TUSC3: variants seen among roughly 807,000 people sequenced by gnomAD.
The protein encoded by TUSC3 is tumor suppressor candidate 3, also known as dolichyl-diphosphooligosaccharide--protein glycosyltransferase subunit TUSC3.
TUSC3 carries 45 observed loss-of-function variants against 44.8 expected under a neutral mutation model. That is an observed-to-expected ratio of 1.00 (90% CI 0.79 to 1.29). The LOEUF is 1.29. Ranked by LOEUF, TUSC3 falls within the 50% of genes most tolerant of loss-of-function variation. TUSC3 has a pLI of 0.00. For missense variants in TUSC3, 519 were observed against 437.9 expected (o/e 1.19, Z -1.65); for synonymous variants, 212 against 152.9 (o/e 1.39, Z -2.85).
At chr8:15,528,984 G>A (rs1022451193) in intron 2 of TUSC3, among the ~76,000 whole-genome samples, 3 of 152,058 alleles carry the variant, frequency 2.0e-5, no homozygotes, top group African/African-American at 4.8e-5. Context: ...AATAACCAAT[G>A]AACAGTTCTT....
At chr8:15,799,793 C>G in the TUSC3 span, among the ~76,000 whole-genome samples, 9 of 152,190 alleles carry the variant, frequency 5.9e-5, no homozygotes, top group African/African-American at 2.2e-4. Flanking sequence ...TGCAAGCTAA[C>G]AAGTGTGCCT....
chr8:15,840,796 C>A, the TUSC3 span, among the ~76,000 whole-genome samples: 2 of 152,072 alleles, frequency 1.3e-5, no homozygotes, highest in Non-Finnish European at 2.9e-5. Flanking sequence ...ATCATCTATC[C>A]ACTTGGATGC....
At chr8:15,448,033 G>T (rs1169613235) in intron 1 of TUSC3, among the ~76,000 whole-genome samples, 2 of 149,142 alleles carry the variant, frequency 1.3e-5, no homozygotes, top group East Asian at 1.9e-4. Flanking sequence ...ATAATTAGTG[G>T]CTACCGTATC....
intron 1 of TUSC3, among the ~76,000 whole-genome samples, chr8:15,617,688 T>G (rs1805056989): frequency 6.6e-6 from 1 of 152,370 alleles, no homozygotes; most frequent in Non-Finnish European, 1.5e-5. Context: ...TCTTTTTCTC[T>G]TTGGCTTTAA....
chr8:15,808,699 G>A, the TUSC3 span, among the ~76,000 whole-genome samples: 1 of 152,078 alleles, frequency 6.6e-6, no homozygotes, highest in African/African-American at 2.4e-5. Context: ...TTGCCCAGTG[G>A]CTTCTCCATT....
chr8:15,457,255 G>A (rs182922935), intron 1 of TUSC3, among the ~76,000 whole-genome samples: 493 of 151,812 alleles, frequency 3.2e-3, no homozygotes, highest in African/African-American at 0.011. Context: ...AACATGGCAC[G>A]TGTATACATA....
At chr8:15,733,829 T>G (rs1810822965) in intron 7 of TUSC3, among the ~76,000 whole-genome samples, 2 of 152,104 alleles carry the variant, frequency 1.3e-5, no homozygotes, top group Non-Finnish European at 2.9e-5. Flanking sequence ...ATCATTTTAG[T>G]TGAGGAGTTT....
intron 1 of TUSC3, among the ~76,000 whole-genome samples, chr8:15,602,759 AAT>A (rs1447694897): frequency 2.6e-5 from 4 of 151,088 alleles, no homozygotes; most frequent in Non-Finnish European, 1.5e-5. Flanking sequence ...TATGGAACCT[AAT>A]ATGTAGTATG....
intron 6 of TUSC3, among the ~76,000 whole-genome samples, chr8:15,718,481 A>G (rs1434443632): frequency 2.0e-5 from 3 of 152,162 alleles, no homozygotes; most frequent in Non-Finnish European, 2.9e-5. Context: ...ATATCAAGTC[A>G]AAATGTAGTC....
intron 1 of TUSC3, among the ~76,000 whole-genome samples, chr8:15,597,234 G>T (rs1585138046): frequency 6.6e-6 from 1 of 152,196 alleles, no homozygotes; most frequent in East Asian, 1.9e-4. Flanking sequence ...ATTTCTCTCA[G>T]TCCAACTCAG....
chr8:15,791,489 A>G, the TUSC3 span, among the ~76,000 whole-genome samples: 174 of 152,168 alleles, frequency 1.1e-3, 1 homozygote, highest in Non-Finnish European at 1.9e-3. Context: ...TGGATTAGAA[A>G]TCATCTAATC....
intron 1 of TUSC3, among the ~76,000 whole-genome samples, chr8:15,420,295 G>A (rs1799722420): frequency 6.6e-6 from 1 of 152,022 alleles, no homozygotes; most frequent in African/African-American, 2.4e-5. Context: ...TCAGAAGCTG[G>A]AGACCAGCCT....
the TUSC3 span, among the ~76,000 whole-genome samples, chr8:15,800,209 G>T: frequency 6.6e-6 from 1 of 152,136 alleles, no homozygotes; most frequent in East Asian, 1.9e-4. Flanking sequence ...TTACATAAAA[G>T]ATTCATGCCA....
chr8:15,753,912 A>C (rs944798483), intron 9 of TUSC3, among the ~76,000 whole-genome samples: 1 of 152,052 alleles, frequency 6.6e-6, no homozygotes, highest in Non-Finnish European at 1.5e-5. Flanking sequence ...AAATAGAGGG[A>C]ACAAATGAAG....
chr8:15,722,646 CAGAATCTT>C (rs1269305755), intron 6 of TUSC3, among the ~76,000 whole-genome samples: 1 of 152,044 alleles, frequency 6.6e-6, no homozygotes, highest in Admixed American at 6.6e-5. Context: ...TTCATGTATA[CAGAATCTT>C]CTGTTGCTTG....
At chr8:15,791,377 T>C in the TUSC3 span, among the ~76,000 whole-genome samples, 1 of 152,144 alleles carries the variant, frequency 6.6e-6, no homozygotes, top group African/African-American at 2.4e-5. Flanking sequence ...AATCCTATCA[T>C]GCACAAGATT....
intron 6 of TUSC3, among the ~76,000 whole-genome samples, chr8:15,702,192 A>G (rs1331854207): frequency 3.3e-5 from 5 of 152,086 alleles, no homozygotes; most frequent in African/African-American, 9.7e-5. Context: ...TTACTCTTAA[A>G]AGACTTTTCA....
the TUSC3 span, among the ~76,000 whole-genome samples, chr8:15,791,779 G>C: frequency 2.6e-5 from 4 of 152,100 alleles, no homozygotes; most frequent in Non-Finnish European, 4.4e-5. Context: ...AAGGTCATAG[G>C]TCTTCTGTTG....
intron 2 of TUSC3, among the ~76,000 whole-genome samples, chr8:15,502,347 TG>T (rs369696719): frequency 1.2e-4 from 18 of 152,374 alleles, no homozygotes; most frequent in African/African-American, 4.3e-4. Context: ...ATAGTCCATC[TG>T]TTCTATTCAC....
Sources: allele counts gnomAD v4.1 joint callset (sites outside exome capture counted in the v4.1 genomes callset), GRCh38; gene constraint gnomAD v4.1.1; transcripts MANE v1.5; gene names NCBI Gene and HGNC (gene_info 2026-07-23, HGNC 2026-07-21).